The following CAMKK1 variants were observed in gnomAD, a reference collection of about 807,000 sequenced individuals.
CAMKK1 encodes the protein calcium/calmodulin dependent protein kinase kinase 1.
Under a neutral mutation model 63.5 loss-of-function variants are expected in CAMKK1, and 20 were observed. The observed-to-expected ratio is 0.32, with a 90% confidence interval of 0.22 to 0.46. CAMKK1 has a LOEUF of 0.46. CAMKK1 is among the 20% of genes least tolerant of loss of function. The probability of loss-of-function intolerance (pLI) is 1.00; values close to 1 mark genes in which losing one functional copy is unlikely to be tolerated. For missense variants in CAMKK1, 588 were observed against 658.1 expected, an observed-to-expected ratio of 0.89 and a Z score of 1.17; for synonymous variants, 253 against 269.0, an observed-to-expected ratio of 0.94 and a Z score of 0.58.
chr17:3,880,510 G>A lies in CAMKK1; in HGVS notation c.708-76C>T, dbSNP rs531189416. Reference sequence around the variant, plus strand: ...GCCATTCAGGTGGTCGGGACGTCCCGGGAAACCTGTGCCCACATGAGTCCC... The same window carrying A: ...GCCATTCAGGTGGTCGGGACGTCCCAGGAAACCTGTGCCCACATGAGTCCC... On this transcript the variant is annotated intron_variant, in intron 8 of 15. Transcript: ENST00000348335. 42 of 1,134,760 alleles carry A rather than the reference G, an allele frequency of 3.7e-5. No individual in the cohort carries two copies. The East Asian group carries it at 7.1e-4, about 19-fold the overall frequency. 70.3% of individuals were successfully genotyped at this position (1,134,760 alleles called of 1,614,324 possible).
intron 1 of CAMKK1, among the ~76,000 whole-genome samples, chr17:3,888,578 G>A (rs1377679843): frequency 2.6e-5 from 4 of 152,256 alleles, no homozygotes; most frequent in East Asian, 1.9e-4. Flanking sequence ...CCCGTAAGGC[G>A]CTCAGAACAG....
At position 3,890,338 on chromosome 17, in the gene CAMKK1, T is replaced by TG. The variant is rs2055848632; in HGVS notation, c.-44+2600dup. On this transcript the variant is annotated intron_variant, in intron 1 of 15. Coordinates refer to ENST00000348335, the MANE Select transcript of CAMKK1 (RefSeq NM_032294.3). This position sits in a 1 kb window ranked among gnomAD's most constrained non-coding sequence, Gnocchi z 6.5. ...CCAAGCACCAATACGGGCTGTTGCC[T>TG]GACTCAGCACAGCTACCCCCAGCGC... Among the ~76,000 whole-genome samples, 1 of 152,134 alleles carries TG rather than the reference T, an allele frequency of 6.6e-6. No individual in the cohort carries two copies. Among genetic ancestry groups the TG allele is most frequent in the Admixed American group, 6.5e-5 (1 of 15,276 alleles).
In CAMKK1 at chr17:3,883,783, A is replaced by C; in HGVS notation, c.462+101T>G. 1 of 1,183,340 alleles carries C rather than the reference A, an allele frequency of 8.5e-7. No homozygotes were observed. Among genetic ancestry groups the C allele is most frequent in the Non-Finnish European group, 1.3e-6 (1 of 795,608 alleles). The allele number at this position is 1,183,340 out of a possible 1,614,324, so 73.3% of individuals were successfully genotyped here. A position where few individuals can be genotyped will look rare whatever the true frequency, so the allele number is the denominator to read the frequency against. On this transcript the variant is annotated intron_variant, in intron 4 of 15. Coordinates refer to ENST00000348335, the MANE Select transcript of CAMKK1 (RefSeq NM_032294.3). The surrounding 1 kb of genome is among the most constrained non-coding windows in gnomAD (Gnocchi z 4.7). ...CCCTAGGGACAGGGAGCTCACTCTCAGGCAGCCCTGTCCTCTATCTCCTAA... is the reference window on the plus strand; with the variant it reads ...CCCTAGGGACAGGGAGCTCACTCTCCGGCAGCCCTGTCCTCTATCTCCTAA...
rs1205352202 is a variant in CAMKK1, at chr17:3,872,582, T to C, written c.1096A>G (p.Lys366Glu). 6.2e-7 allele frequency: 1 copy of C among 1,614,016 alleles called. No individual in the cohort carries two copies. Among genetic ancestry groups the C allele is most frequent in the Non-Finnish European group, 8.5e-7 (1 of 1,179,882 alleles). ...TCAGGAAACACCACGGGCTCATTCT[T>C]GATCTTCCTGTGGAGGGCCAGGATG... ...DFILALHRKI[K>E]NEPVVFPEEP... Residue 366 changes from lysine to glutamate, a missense_variant, in exon 12 of 16, where the codon AAG becomes GAG. Lys to Glu is a moderately conservative substitution (Grantham distance 56, BLOSUM62 1). Around this residue, in one of 3 missense-constraint regions of CAMKK1, gnomAD observed 226 missense variants for 229.2 expected, o/e 0.99. Coordinates refer to ENST00000348335, the MANE Select transcript of CAMKK1 (RefSeq NM_032294.3).
intron 15 of CAMKK1, among the ~76,000 whole-genome samples, chr17:3,863,850 T>C (rs2054409987): frequency 6.6e-6 from 1 of 152,220 alleles, no homozygotes; most frequent in Non-Finnish European, 1.5e-5. Flanking sequence ...CCTTATCCTG[T>C]GTCTGGCTTG....
intron 14 of CAMKK1, among the ~76,000 whole-genome samples, chr17:3,867,671 G>A (rs1340703811): frequency 6.6e-6 from 1 of 152,128 alleles, no homozygotes; most frequent in Non-Finnish European, 1.5e-5. Flanking sequence ...AGCATAGGGG[G>A]CAGGGATTGA....
chr17:3,888,954 A>T (rs2055782263), intron 1 of CAMKK1, among the ~76,000 whole-genome samples: 1 of 151,566 alleles, frequency 6.6e-6, no homozygotes, highest in Non-Finnish European at 1.5e-5. Flanking sequence ...CCCACACAGG[A>T]GCGCACTGCA....
chr17:3,869,427 G>A (rs989507783), intron 14 of CAMKK1, 60 bp downstream of exon 14: 12 of 1,605,220 alleles, frequency 7.5e-6, no homozygotes, highest in Non-Finnish European at 1.0e-5. Context: ...CAGGCACAGA[G>A]CAAGGCTCAG....
chr17:3,866,909 C>T (rs986523091), intron 14 of CAMKK1, among the ~76,000 whole-genome samples: 6 of 151,974 alleles, frequency 3.9e-5, no homozygotes, highest in Admixed American at 6.6e-5. Flanking sequence ...TTAGAAGAGA[C>T]GGGGCTTCAG....
intron 11 of CAMKK1, among the ~76,000 whole-genome samples, chr17:3,872,942 AACATGTTC>A (rs2054959219): frequency 6.6e-6 from 1 of 152,252 alleles, no homozygotes; most frequent in East Asian, 1.9e-4. Flanking sequence ...GGGGCTTGGG[AACATGTTC>A]ACTGAAATTC....
intron 15 of CAMKK1, among the ~76,000 whole-genome samples, chr17:3,864,041 C>T (rs1258392968): frequency 9.2e-5 from 14 of 151,882 alleles, no homozygotes; most frequent in African/African-American, 3.4e-4. Flanking sequence ...CAACCTCCAC[C>T]TCCCAGACTC....
chr17:3,876,174 A>G (rs1184474078), intron 10 of CAMKK1, 49 bp downstream of exon 10: 1 of 1,565,284 alleles, frequency 6.4e-7, no homozygotes, highest in African/African-American at 1.4e-5. Context: ...GCGGCAAGCT[A>G]TTACGCCCCC....
rs2055346329 is a variant in CAMKK1, at chr17:3,880,203, A to ACGTG, written c.796+139_796+142dup. 3 of 679,868 alleles carry ACGTG rather than the reference A, an allele frequency of 4.4e-6. No homozygotes were observed. The African/African-American group carries it at 5.4e-5, about 12-fold the overall frequency. The allele number at this position is 679,868 out of a possible 1,614,324, so 42.1% of individuals were successfully genotyped here. A position where few individuals can be genotyped will look rare whatever the true frequency, so the allele number is the denominator to read the frequency against. ...ACAAAAAGGCCTTTGGCCCCGCCAC[A>ACGTG]CGTGCATGCCCCACTCCCACTGAAG... On this transcript the variant is annotated intron_variant, in intron 9 of 15. Coordinates refer to ENST00000348335, the MANE Select transcript of CAMKK1 (RefSeq NM_032294.3).
At chr17:3,868,074 C>T (rs2054624563) in intron 14 of CAMKK1, among the ~76,000 whole-genome samples, 1 of 87,398 alleles carries the variant, frequency 1.1e-5, no homozygotes. Context: ...CAGGCGCAGT[C>T]TAACTGATAC....
chr17:3,875,512 C>A (rs953837647), intron 10 of CAMKK1, among the ~76,000 whole-genome samples: 1 of 151,838 alleles, frequency 6.6e-6, no homozygotes, highest in African/African-American at 2.4e-5. Flanking sequence ...ATCTCAAATT[C>A]CTAGCCTTAA....
At chr17:3,870,515 G>A (rs1037887659) in intron 12 of CAMKK1, among the ~76,000 whole-genome samples, 7 of 152,152 alleles carry the variant, frequency 4.6e-5, no homozygotes, top group South Asian at 4.1e-4. Context: ...ACAGGTGCCC[G>A]CCACCGTGCC....
At chr17:3,886,670 G>A (rs2055666125) in intron 1 of CAMKK1, among the ~76,000 whole-genome samples, 1 of 152,072 alleles carries the variant, frequency 6.6e-6, no homozygotes, top group African/African-American at 2.4e-5. Flanking sequence ...GGAATGAGGG[G>A]TGAAACAGGG....
At chr17:3,870,398 C>G (rs1341985100) in intron 12 of CAMKK1, among the ~76,000 whole-genome samples, 2 of 151,808 alleles carry the variant, frequency 1.3e-5, no homozygotes, top group Admixed American at 1.3e-4. Flanking sequence ...TGGAGTCTCG[C>G]TCTGTGGCCC....
At chr17:3,873,355 C>A (rs549606180) in intron 11 of CAMKK1, 54 bp downstream of exon 11, 1 of 1,542,816 alleles carries the variant, frequency 6.5e-7, no homozygotes, top group East Asian at 2.2e-5. Flanking sequence ...CATCCGTCGC[C>A]CGTGCCCGCC....
Sources: allele counts gnomAD v4.1 joint callset (sites outside exome capture counted in the v4.1 genomes callset), GRCh38; gene constraint gnomAD v4.1.1; regional missense constraint gnomAD v4.1.1; non-coding constraint Gnocchi (gnomAD v3.1); transcripts MANE v1.5; gene names NCBI Gene and HGNC (gene_info 2026-07-23, HGNC 2026-07-21).